The following PATJ variants were observed in gnomAD, a reference collection of about 807,000 sequenced individuals.
PATJ encodes PATJ crumbs cell polarity complex component.
In PATJ, 190 loss-of-function variants were observed where a neutral mutation model predicts 224.9. The ratio of observed to expected loss-of-function variants is 0.84; its 90% CI spans 0.75 to 0.95. PATJ has a LOEUF of 0.95. PATJ is among the 40% of genes least tolerant of loss of function. PATJ has a pLI of 0.00. For missense variants in PATJ, 2,121 were observed against 2,270.3 expected, an observed-to-expected ratio of 0.93 and a Z score of 1.34; for synonymous variants, 769 against 820.3, an observed-to-expected ratio of 0.94 and a Z score of 1.07.
chr1:62,051,722 T>G (rs1653663164), intron 31 of PATJ, among the ~76,000 whole-genome samples: 1 of 152,160 alleles, frequency 6.6e-6, no homozygotes, highest in Non-Finnish European at 1.5e-5. Flanking sequence ...AATGTTAAAT[T>G]TATTCCATTG....
chr1:61,852,948 G>A (rs1663072262), intron 17 of PATJ, among the ~76,000 whole-genome samples: 1 of 152,192 alleles, frequency 6.6e-6, no homozygotes, highest in African/African-American at 2.4e-5. Context: ...CATAAAAAAT[G>A]AAGCAGTGAT....
chr1:62,036,879 A>AAAAAAAAAAAAAAAAAAAAAAAAAG lies in PATJ; in HGVS notation c.3960-1096_3960-1095insAAAAAAAAAAAAAAAAAAAAAAGAA, dbSNP rs1558074944. Among the ~76,000 whole-genome samples, 26 of 149,952 alleles carry AAAAAAAAAAAAAAAAAAAAAAAAAG rather than the reference A, an allele frequency of 1.7e-4. 1 individual carries two copies. Among genetic ancestry groups the AAAAAAAAAAAAAAAAAAAAAAAAAG allele is most frequent in the Non-Finnish European group, 2.8e-4 (19 of 67,376 alleles). On this transcript the variant is annotated intron_variant, in intron 29 of 43. Transcript: ENST00000642238. ...AAAGTGAGACTCCATCTCAAAAAAA[A>AAAAAAAAAAAAAAAAAAAAAAAAAG]AAGAAGGAAGAAAGGAAGGAAGGGA... is the stretch of plus-strand genomic sequence containing the variant.
At chr1:61,786,688 C>T (rs1648604537) in intron 7 of PATJ, among the ~76,000 whole-genome samples, 1 of 151,990 alleles carries the variant, frequency 6.6e-6, no homozygotes, top group East Asian at 1.9e-4. Flanking sequence ...ATCCTATTGA[C>T]AGTTTATTAA....
intron 31 of PATJ, among the ~76,000 whole-genome samples, chr1:62,055,073 T>G (rs752908354): frequency 2.4e-4 from 36 of 152,036 alleles, no homozygotes; most frequent in Non-Finnish European, 4.0e-4. Flanking sequence ...AAAAAAAAAT[T>G]TAAGTTTTTT....
At chr1:62,052,439 TAAAAAAAAA>T (rs554528489) in intron 31 of PATJ, among the ~76,000 whole-genome samples, 2 of 111,470 alleles carry the variant, frequency 1.8e-5, no homozygotes, top group Admixed American at 1.9e-4. Flanking sequence ...AGAGATTGAC[TAAAAAAAAA>T]AAAAAAAAAA....
At chr1:61,821,405 C>T (rs1553169801) in intron 14 of PATJ, among the ~76,000 whole-genome samples, 1 of 152,194 alleles carries the variant, frequency 6.6e-6, no homozygotes, top group Non-Finnish European at 1.5e-5. Context: ...GAGATGGTCG[C>T]AGATCCTGAA....
chr1:61,742,572 C>G lies in PATJ; in HGVS notation c.-36+17C>G, dbSNP rs79209854. 0.092 allele frequency: 14,039 copies of G among 152,386 alleles called. 691 individuals carry two copies. Among genetic ancestry groups the G allele is most frequent in the Middle Eastern group, 0.11 (34 of 296 alleles). 9.4% of individuals were successfully genotyped at this position (152,386 alleles called of 1,614,324 possible). On this transcript the variant is annotated intron_variant, in intron 1 of 43. Transcript: ENST00000642238. Reference sequence around the variant, plus strand: ...GCGCACCAGGTAAAGCGTGAGGTCCCGGCTGTGCAGTGCGCGCTCGCCCCT... The same window carrying G: ...GCGCACCAGGTAAAGCGTGAGGTCCGGGCTGTGCAGTGCGCGCTCGCCCCT...
intron 41 of PATJ, 34 bp downstream of exon 41, chr1:62,128,979 G>A (rs567910564): frequency 1.5e-5 from 21 of 1,414,868 alleles, no homozygotes; most frequent in Middle Eastern, 1.8e-4. Context: ...AGCTGTGCAA[G>A]GCAGATAAGT....
chr1:61,782,548 A>C (rs1191274052), intron 7 of PATJ, among the ~76,000 whole-genome samples: 2 of 152,200 alleles, frequency 1.3e-5, no homozygotes, highest in Non-Finnish European at 2.9e-5. Context: ...GAAGTAGAAA[A>C]TAGCATTTAT....
intron 3 of PATJ, among the ~76,000 whole-genome samples, chr1:61,765,391 T>G (rs1403800407): frequency 2.1e-5 from 3 of 144,300 alleles, no homozygotes; most frequent in African/African-American, 7.5e-5. Context: ...ATTTATTCTG[T>G]TTTTTTTTTT....
intron 17 of PATJ, among the ~76,000 whole-genome samples, chr1:61,850,553 A>T (rs185065810): frequency 9.8e-5 from 15 of 152,300 alleles, no homozygotes; most frequent in Admixed American, 6.5e-4. Flanking sequence ...TATTTAGGGG[A>T]TTCAGTTTTA....
intron 13 of PATJ, among the ~76,000 whole-genome samples, chr1:61,806,577 C>T (rs1230665713): frequency 6.6e-6 from 1 of 151,162 alleles, no homozygotes; most frequent in Non-Finnish European, 1.5e-5. Context: ...GGAGATCATG[C>T]CACTGCACTC....
intron 1 of PATJ, among the ~76,000 whole-genome samples, chr1:61,759,703 C>T (rs899219017): frequency 1.2e-4 from 19 of 152,174 alleles, no homozygotes; most frequent in Non-Finnish European, 2.6e-4. Flanking sequence ...CCACAGCGCC[C>T]GGGCTGATCG....
intron 28 of PATJ, among the ~76,000 whole-genome samples, chr1:61,992,068 C>G (rs764605258): frequency 2.0e-5 from 3 of 151,236 alleles, no homozygotes; most frequent in Non-Finnish European, 4.4e-5. Context: ...TGCCAGACTC[C>G]AAGACCCGTG....
chr1:61,769,985 A>T (rs1206034915), intron 5 of PATJ, among the ~76,000 whole-genome samples: 3 of 152,068 alleles, frequency 2.0e-5, no homozygotes, highest in Non-Finnish European at 2.9e-5. Context: ...GGTATTTGCA[A>T]GCCTTTTATT....
intron 11 of PATJ, among the ~76,000 whole-genome samples, chr1:61,797,874 C>T (rs1260196097): frequency 4.0e-5 from 6 of 151,770 alleles, no homozygotes; most frequent in African/African-American, 1.5e-4. Flanking sequence ...ACGATCTTGG[C>T]TTACTGCAAC....
intron 31 of PATJ, among the ~76,000 whole-genome samples, chr1:62,077,760 C>A (rs1424861580): frequency 6.6e-6 from 1 of 151,920 alleles, no homozygotes; most frequent in Non-Finnish European, 1.5e-5. Context: ...GAATCATTGC[C>A]TATCAGCTGT....
At chr1:61,765,179 A>G (rs902628686) in intron 3 of PATJ, among the ~76,000 whole-genome samples, 7 of 142,226 alleles carry the variant, frequency 4.9e-5, no homozygotes, top group African/African-American at 1.3e-4. Flanking sequence ...GGCTCAAGCA[A>G]TCCTCCCACT....
chr1:62,020,951 G>A (rs547266604), intron 29 of PATJ, among the ~76,000 whole-genome samples: 8 of 152,094 alleles, frequency 5.3e-5, no homozygotes, highest in South Asian at 2.1e-4. Flanking sequence ...TCAATCTCCC[G>A]AGTAGCTGGG....
Sources: allele counts gnomAD v4.1 joint callset (sites outside exome capture counted in the v4.1 genomes callset), GRCh38; gene constraint gnomAD v4.1.1; transcripts MANE v1.5; gene names NCBI Gene and HGNC (gene_info 2026-07-23, HGNC 2026-07-21).